Variants in AASS observed in about 807,000 individuals in gnomAD.
AASS encodes alpha-aminoadipic semialdehyde synthase, mitochondrial.
AASS carries 86 observed loss-of-function variants against 105.4 expected under a neutral mutation model. The observed-to-expected ratio is 0.82, with a 90% CI of 0.69 to 0.98. The LOEUF (loss-of-function observed/expected upper bound fraction) is 0.98, where lower values mean the gene tolerates loss of function less well. Ranked by LOEUF, AASS falls within the 50% of genes least tolerant of loss-of-function variation. The probability of loss-of-function intolerance (pLI) is 0.00; values close to 1 mark genes in which losing one functional copy is unlikely to be tolerated. For missense variants in AASS, 1,048 were observed against 1,143.2 expected (o/e 0.92, Z 1.20); for synonymous variants, 381 against 394.8 (o/e 0.96, Z 0.41).
At chr7:122,140,353 C>T (rs921949754) in intron 1 of AASS, among the ~76,000 whole-genome samples, 2 of 151,428 alleles carry the variant, frequency 1.3e-5, no homozygotes, top group East Asian at 1.9e-4. Context: ...GGGTCGGTGG[C>T]GGGCGCCTGT....
At chr7:122,108,558 TGAA>T (rs1157519899) in intron 11 of AASS, among the ~76,000 whole-genome samples, 1 of 152,006 alleles carries the variant, frequency 6.6e-6, no homozygotes, top group East Asian at 1.9e-4. Flanking sequence ...ATTGACAGAA[TGAA>T]GGACAAAAAC....
intron 15 of AASS, among the ~76,000 whole-genome samples, chr7:122,097,485 G>A (rs1037624095): frequency 6.6e-6 from 1 of 151,956 alleles, no homozygotes; most frequent in Non-Finnish European, 1.5e-5. Flanking sequence ...AATAAGCATA[G>A]TACCCAATGG....
At chr7:122,139,953 C>A (rs955085588) in intron 1 of AASS, among the ~76,000 whole-genome samples, 3 of 25,320 alleles carry the variant, frequency 1.2e-4, no homozygotes, top group African/African-American at 9.6e-4. Flanking sequence ...CTGTCTCAAA[C>A]AAACAAACAA....
intron 1 of AASS, among the ~76,000 whole-genome samples, chr7:122,143,855 G>T (rs1796512611): frequency 6.6e-6 from 1 of 152,192 alleles, no homozygotes; most frequent in South Asian, 2.1e-4. Context: ...AATCCGAATT[G>T]CAATCCCTCG....
Position 122,129,525 on chromosome 7 carries a change from C to A in AASS, c.223G>T (p.Ala75Ser). The change falls in exon 3 of 24, where the codon GCT becomes TCT. Residue 75 changes from alanine (A) to serine (S), a missense_variant. Transcript: ENST00000417368. ...RAIHDKDYVK[A>S]GGILQEDISE... Reference sequence around the variant, plus strand: ...ATATCCTCCTGAAGAATGCCACCAGCTTTGACATAGTCCTGAAATTGTAAT... The same window carrying A: ...ATATCCTCCTGAAGAATGCCACCAGATTTGACATAGTCCTGAAATTGTAAT... The A allele has an allele frequency of 6.2e-7, 1 of 1,613,180 alleles. No homozygotes were observed. Among genetic ancestry groups the A allele is most frequent in the Non-Finnish European group, 8.5e-7 (1 of 1,179,494 alleles).
chr7:122,138,446 T>C (rs888250201), intron 1 of AASS, among the ~76,000 whole-genome samples: 1 of 152,212 alleles, frequency 6.6e-6, no homozygotes, highest in African/African-American at 2.4e-5. Context: ...GACAATATAC[T>C]GTAATAAAAG....
chr7:122,081,194 A>G (rs1447019938), intron 20 of AASS, among the ~76,000 whole-genome samples: 1 of 152,200 alleles, frequency 6.6e-6, no homozygotes, highest in Non-Finnish European at 1.5e-5. Context: ...TCACTGGGTC[A>G]CCACCTAGAC....
At chr7:122,081,436 C>T (rs1456619452) in intron 20 of AASS, 64 bp downstream of exon 20, 3 of 1,279,684 alleles carry the variant, frequency 2.3e-6, no homozygotes, top group Non-Finnish European at 3.4e-6. Flanking sequence ...CAGAGTTCAC[C>T]CCCGACCATT....
chr7:122,129,340 T>G, intron 3 of AASS, 21 bp downstream of exon 3: 1 of 1,464,930 alleles, frequency 6.8e-7, no homozygotes, highest in Non-Finnish European at 9.2e-7. Context: ...TTAATATTTA[T>G]AAATATTAAT....
chr7:122,108,771 A>G (rs1794790022), intron 11 of AASS, among the ~76,000 whole-genome samples: 1 of 151,940 alleles, frequency 6.6e-6, no homozygotes, highest in African/African-American at 2.4e-5. Flanking sequence ...CAAGAAAAGG[A>G]TGCTACTATT....
At chr7:122,137,530 T>C (rs776672686) in intron 1 of AASS, among the ~76,000 whole-genome samples, 1 of 152,186 alleles carries the variant, frequency 6.6e-6, no homozygotes, top group Non-Finnish European at 1.5e-5. Context: ...CCTGAGTACC[T>C]GCCAAGATAA....
intron 20 of AASS, among the ~76,000 whole-genome samples, 194 bp downstream of exon 20, chr7:122,081,306 T>G (rs1012808820): frequency 1.3e-5 from 2 of 152,050 alleles, no homozygotes; most frequent in African/African-American, 4.8e-5. Flanking sequence ...ACAGGCCTGA[T>G]ATGTGTCAGC....
chr7:122,110,790 A>G (rs2150531930), intron 11 of AASS, among the ~76,000 whole-genome samples: 1 of 151,996 alleles, frequency 6.6e-6, no homozygotes, highest in South Asian at 2.1e-4. Flanking sequence ...ATATATCTCC[A>G]CAACCCCAAA....
At position 122,120,581 on chromosome 7, in the gene AASS, A is replaced by C. The variant is rs111236065; in HGVS notation, c.473-1951T>G. Among the ~76,000 whole-genome samples the C allele has an allele frequency of 4.2e-3, 635 of 151,508 alleles. 8 individuals are homozygous for C. Among genetic ancestry groups the C allele is most frequent in the African/African-American group, 0.015 (601 of 41,368 alleles). ...AATTTTCTCTGTATCTTTATTATTT[A>C]TTTCTTTCTACTTGCGTTTGATTTA... On this transcript the variant is annotated intron_variant, in intron 4 of 23. Transcript: ENST00000417368.
chr7:122,129,663 A>T, intron 2 of AASS, 126 bp from the exon 3 acceptor site: 1 of 825,292 alleles, frequency 1.2e-6, no homozygotes, highest in South Asian at 1.6e-5. Context: ...AATTAGAACA[A>T]ATAATAGAAC....
chr7:122,121,636 AGCCT>A (rs1488769690), intron 4 of AASS, among the ~76,000 whole-genome samples: 1 of 152,136 alleles, frequency 6.6e-6, no homozygotes, highest in Non-Finnish European at 1.5e-5. Flanking sequence ...TCAAGCAATC[AGCCT>A]GCCCTGGACT....
intron 11 of AASS, among the ~76,000 whole-genome samples, chr7:122,112,845 C>G (rs951364533): frequency 2.0e-5 from 3 of 152,176 alleles, no homozygotes; most frequent in Non-Finnish European, 4.4e-5. Flanking sequence ...CATGTTTTAT[C>G]TCACACGTGG....
At chr7:122,114,299 G>T (rs1226418601) in intron 9 of AASS, among the ~76,000 whole-genome samples, 2 of 152,100 alleles carry the variant, frequency 1.3e-5, no homozygotes, top group East Asian at 3.9e-4. Flanking sequence ...TGGAATTCTT[G>T]TTCTCCTCAT....
At chr7:122,132,448 T>C (rs1328491438) in intron 2 of AASS, among the ~76,000 whole-genome samples, 1 of 152,186 alleles carries the variant, frequency 6.6e-6, no homozygotes, top group Non-Finnish European at 1.5e-5. Context: ...ACATGATTAG[T>C]TGTAAAGTTA....
Sources: gnomAD v4.1 joint callset for allele counts (sites outside exome capture counted in the v4.1 genomes callset) on GRCh38, gnomAD v4.1.1 for gene constraint, MANE v1.5 for transcripts, NCBI Gene and HGNC (gene_info 2026-07-23, HGNC 2026-07-21) for gene names.